The following DOCK4 variants were observed in gnomAD, a reference collection of about 807,000 sequenced individuals.
DOCK4 encodes dedicator of cytokinesis 4, also known as dedicator of cytokinesis protein 4.
Under a neutral mutation model 268.1 loss-of-function variants are expected in DOCK4, and 97 were observed. The ratio of observed to expected loss-of-function variants is 0.36; its 90% confidence interval spans 0.31 to 0.43. The LOEUF (loss-of-function observed/expected upper bound fraction) is 0.43. Among genes scored for constraint, DOCK4 ranks in the 20% least tolerant of loss-of-function variants. The pLI is 1.00. For synonymous variants in DOCK4, 954 were observed against 887.2 expected (o/e 1.08, Z -1.34); for missense variants, 2,145 against 2,455.7 (o/e 0.87, Z 2.67).
chr7:111,765,320 A>G (rs1211825670), intron 38 of DOCK4, 98 bp from the exon 39 acceptor site: 3 of 758,722 alleles, frequency 4.0e-6, no homozygotes, highest in Non-Finnish European at 6.3e-6. Flanking sequence ...GGAGAACTTT[A>G]TTTTAATTGA....
intron 1 of DOCK4, among the ~76,000 whole-genome samples, chr7:112,109,206 C>T (rs1189864108): frequency 6.6e-6 from 1 of 152,156 alleles, no homozygotes; most frequent in African/African-American, 2.4e-5. Context: ...ATGCTGGGTG[C>T]TCATGAGTAC....
chr7:112,119,887 A>G (rs550920376), intron 1 of DOCK4, among the ~76,000 whole-genome samples: 190 of 149,954 alleles, frequency 1.3e-3, no homozygotes, highest in Middle Eastern at 6.9e-3. Context: ...TCACTCTGTC[A>G]CCCAGGCTGG....
At chr7:111,860,031 G>A (rs116882597) in intron 23 of DOCK4, among the ~76,000 whole-genome samples, 2,094 of 152,090 alleles carry the variant, frequency 0.014, 17 homozygotes, top group Middle Eastern at 0.031. Flanking sequence ...GCCTATTTTT[G>A]TGAGATGTAC....
chr7:111,841,161 A>T (rs1189052438), intron 25 of DOCK4, among the ~76,000 whole-genome samples: 1 of 151,720 alleles, frequency 6.6e-6, no homozygotes, highest in East Asian at 1.9e-4. Context: ...TGATTTATTT[A>T]TTTATTTATT....
rs146657400 is a variant in DOCK4, at chr7:111,852,263, C to T, written c.2474-5137G>A. 1.6e-3 allele frequency among the ~76,000 whole-genome samples: 238 copies of T among 152,234 alleles called. 2 individuals carry two copies. Among genetic ancestry groups the T allele is most frequent in the African/African-American group, 5.5e-3 (229 of 41,542 alleles). Reference sequence around the variant, plus strand: ...ACAGGCGTGAGCCACCATACTCAGCCGGAGTCTCCTATTTCTTTTGATGCC... The same window carrying T: ...ACAGGCGTGAGCCACCATACTCAGCTGGAGTCTCCTATTTCTTTTGATGCC... On this transcript the variant is annotated intron_variant, in intron 23 of 52. Coordinates refer to ENST00000428084, the MANE Select transcript of DOCK4 (RefSeq NM_001363540.2).
intron 36 of DOCK4, among the ~76,000 whole-genome samples, chr7:111,772,123 T>C (rs1394094536): frequency 6.6e-6 from 1 of 152,230 alleles, no homozygotes; most frequent in East Asian, 1.9e-4. Context: ...TAGTGTTTAA[T>C]GGGTACAGAG....
intron 1 of DOCK4, among the ~76,000 whole-genome samples, chr7:112,122,576 T>C (rs1049797202): frequency 1.3e-5 from 2 of 152,170 alleles, no homozygotes; most frequent in Non-Finnish European, 2.9e-5. Context: ...CAGCCAAGAC[T>C]GCCTCTTATA....
chr7:112,143,113 C>A (rs1815091105), intron 1 of DOCK4, among the ~76,000 whole-genome samples: 1 of 151,632 alleles, frequency 6.6e-6, no homozygotes, highest in Admixed American at 6.6e-5. Context: ...ATTTTTGCAA[C>A]TTTTCTGTAA....
At chr7:111,863,608 T>C (rs764845033) in intron 22 of DOCK4, 44 bp from the exon 23 acceptor site, 4 of 1,518,752 alleles carry the variant, frequency 2.6e-6, no homozygotes, top group Admixed American at 2.1e-5. Context: ...AGATACGCCA[T>C]GAGAAATATG....
At chr7:112,104,104 T>A (rs1810929691) in intron 1 of DOCK4, among the ~76,000 whole-genome samples, 1 of 152,184 alleles carries the variant, frequency 6.6e-6, no homozygotes, top group African/African-American at 2.4e-5. Flanking sequence ...ATATTCTCCC[T>A]GCTGAGGACC....
At chr7:111,970,328 GAA>G (rs557400137) in intron 8 of DOCK4, among the ~76,000 whole-genome samples, 1 of 149,786 alleles carries the variant, frequency 6.7e-6, no homozygotes, top group African/African-American at 2.5e-5. Flanking sequence ...TAAAAAAAAA[GAA>G]AAAAAAACTC....
intron 23 of DOCK4, among the ~76,000 whole-genome samples, chr7:111,852,945 C>G (rs751482793): frequency 6.6e-6 from 1 of 152,200 alleles, no homozygotes; most frequent in Non-Finnish European, 1.5e-5. Flanking sequence ...CAGAATCTGC[C>G]GTGCAGGTTC....
intron 32 of DOCK4, 44 bp from the exon 33 acceptor site, chr7:111,784,167 TC>T: frequency 6.5e-7 from 1 of 1,543,956 alleles, no homozygotes. Flanking sequence ...TTTCAGATTA[TC>T]CAAGTCATAA....
At chr7:111,777,743 TGCTGC>T (rs1798540437) in intron 36 of DOCK4, among the ~76,000 whole-genome samples, 3 of 152,170 alleles carry the variant, frequency 2.0e-5, no homozygotes, top group Non-Finnish European at 4.4e-5. Flanking sequence ...GTCTTTCCCA[TGCTGC>T]TCTCATAATA....
At position 111,728,440 on chromosome 7, in the gene DOCK4, C is replaced by T. The variant is rs759774429; in HGVS notation, c.5762G>A (p.Arg1921His). 10 of 1,596,852 alleles carry T rather than the reference C, an allele frequency of 6.3e-6. No homozygotes were observed. Among genetic ancestry groups the T allele is most frequent in the Admixed American group, 3.4e-5 (2 of 59,120 alleles). Reference protein sequence around the residue: ...PYSVYERTLRRPVPLPHSLSI... With the variant: ...PYSVYERTLRHPVPLPHSLSI... ...GAGGCTGTGAGGTAGCGGGACGGGGCGCCGCAGAGTCCGCTCGTAGACGCT... is the reference window on the plus strand; with the variant it reads ...GAGGCTGTGAGGTAGCGGGACGGGGTGCCGCAGAGTCCGCTCGTAGACGCT... The change falls in exon 53 of 53, where the codon CGC (arginine) becomes CAC (histidine). Residue 1921 changes from arginine (R) to histidine (H), a missense_variant. Physicochemically the swap from Arg to His is conservative, Grantham distance 29. Transcript: ENST00000428084.
chr7:111,767,225 A>ATAT, intron 37 of DOCK4, 107 bp from the exon 38 acceptor site: 1 of 779,214 alleles, frequency 1.3e-6, no homozygotes. Context: ...TTACTCCTTA[A>ATAT]TCTTTTTTTT....
intron 12 of DOCK4, among the ~76,000 whole-genome samples, chr7:111,928,869 G>A (rs1447656204): frequency 6.6e-6 from 1 of 152,148 alleles, no homozygotes; most frequent in Non-Finnish European, 1.5e-5. Context: ...GATTACAGGT[G>A]GGAGCCACCA....
At chr7:111,774,879 C>T (rs1175796026) in intron 36 of DOCK4, among the ~76,000 whole-genome samples, 1 of 152,164 alleles carries the variant, frequency 6.6e-6, no homozygotes, top group Non-Finnish European at 1.5e-5. Context: ...CACTGTGGCG[C>T]AAAAGCAGCA....
At chr7:111,953,745 C>G (rs1289578415) in intron 8 of DOCK4, 1 of 152,264 alleles carries the variant, frequency 6.6e-6, no homozygotes, top group African/African-American at 2.4e-5. Flanking sequence ...CAGGCACATT[C>G]AGGGTGGCAT....
Sources: allele counts gnomAD v4.1 joint callset (sites outside exome capture counted in the v4.1 genomes callset), GRCh38; gene constraint gnomAD v4.1.1; transcripts MANE v1.5; gene names NCBI Gene and HGNC (gene_info 2026-07-23, HGNC 2026-07-21).